The following UNC13B variants were observed in gnomAD, a reference collection of about 807,000 sequenced individuals.
UNC13B encodes protein unc-13 homolog B.
In UNC13B, 144 loss-of-function variants were observed where a neutral mutation model predicts 211.0. The ratio of observed to expected loss-of-function variants is 0.68; its 90% CI spans 0.60 to 0.78. UNC13B has a LOEUF of 0.78. Ranked by LOEUF, UNC13B falls within the 30% of genes least tolerant of loss-of-function variation. The pLI is 0.00. For missense variants in UNC13B, 1,777 were observed against 2,002.0 expected (o/e 0.89, Z 2.14); for synonymous variants, 709 against 725.8 (o/e 0.98, Z 0.37).
Position 35,376,179 on chromosome 9 carries a change from G to A in UNC13B, c.9767G>A (p.Arg3256His), listed in dbSNP as rs752569888. The change falls in exon 15 of 40, where the codon CGC becomes CAC. Residue 3256 changes from arginine to histidine, a missense_variant. By Grantham distance (29) the Arg-to-His change is conservative (BLOSUM62 0). Transcript: ENST00000635942. The stretch of plus-strand genomic sequence containing the variant: ...TGGGGCATTGCCCGGCAGGGCATGC[G>A]CTGCAGCGAATGTGGAGTCAAGTGC... ...LLWGIARQGMRCSECGVKCHE... is the reference protein window; with the variant it reads ...LLWGIARQGMHCSECGVKCHE... The A allele has an allele frequency of 2.1e-5, 34 of 1,614,068 alleles. No homozygotes were observed. Among genetic ancestry groups the A allele is most frequent in the African/African-American group, 8.0e-5 (6 of 74,946 alleles).
chr9:35,183,208 G>A (rs1323105560), intron 1 of UNC13B, among the ~76,000 whole-genome samples: 1 of 146,164 alleles, frequency 6.8e-6, no homozygotes, highest in African/African-American at 2.5e-5. Flanking sequence ...GACGATGGGC[G>A]GTCGGGCAGA....
chr9:35,201,003 A>G (rs1298133860), intron 1 of UNC13B, among the ~76,000 whole-genome samples: 7 of 152,148 alleles, frequency 4.6e-5, no homozygotes, highest in Non-Finnish European at 1.0e-4. Flanking sequence ...ATTTTGAGAT[A>G]TGTCCCATCA....
intron 1 of UNC13B, among the ~76,000 whole-genome samples, chr9:35,207,304 G>A (rs1395771787): frequency 6.6e-6 from 1 of 151,578 alleles, no homozygotes; most frequent in African/African-American, 2.4e-5. Context: ...CTGTAACTCA[G>A]GCTGGAATGC....
chr9:35,162,037 T>C lies in UNC13B; in HGVS notation c.-247T>C. 3.6e-6 allele frequency: 2 copies of C among 550,864 alleles called. No individual in the cohort carries two copies. The highest frequency in any genetic ancestry group is 2.2e-5 in the South Asian group (1 of 45,528). The allele number at this position is 550,864 out of a possible 1,614,324, so 34.1% of individuals were successfully genotyped here. ...CCCGGCAGCTCCTACCTCCCAGCGA[T>C]GGCGTCGCTGTGCCGCGCCCAGTCC... On this transcript the variant is annotated 5_prime_UTR_variant, in exon 1 of 40. The change abolishes an upstream ATG in the 5' untranslated region. Coordinates refer to ENST00000635942, the MANE Select transcript of UNC13B (RefSeq NM_001371189.2).
chr9:35,255,381 T>G (rs894920793), intron 6 of UNC13B, among the ~76,000 whole-genome samples: 6 of 151,894 alleles, frequency 4.0e-5, no homozygotes, highest in Admixed American at 3.9e-4. Context: ...GGGTTCACCT[T>G]GTGTGCTGCC....
At chr9:35,247,975 G>A (rs375488099) in intron 6 of UNC13B, among the ~76,000 whole-genome samples, 2 of 152,042 alleles carry the variant, frequency 1.3e-5, no homozygotes, top group Non-Finnish European at 1.5e-5. Flanking sequence ...CTGTGAATCT[G>A]TCTGGTCCTG....
chr9:35,201,814 A>T (rs965827742), intron 1 of UNC13B, among the ~76,000 whole-genome samples: 6 of 151,732 alleles, frequency 4.0e-5, no homozygotes, highest in Non-Finnish European at 5.9e-5. Flanking sequence ...TTTTTTTTGA[A>T]GGGTTTTTTG....
At chr9:35,366,663 A>G (rs900993597) in intron 11 of UNC13B, among the ~76,000 whole-genome samples, 2 of 152,196 alleles carry the variant, frequency 1.3e-5, no homozygotes, top group African/African-American at 2.4e-5. Flanking sequence ...AATGGCTCAT[A>G]TAAGAGTGAT....
chr9:35,206,790 C>G (rs771763327), intron 1 of UNC13B, among the ~76,000 whole-genome samples: 1 of 150,576 alleles, frequency 6.6e-6, no homozygotes, highest in Non-Finnish European at 1.5e-5. Context: ...AGGGGAATCA[C>G]TTGAACTGAG....
intron 37 of UNC13B, 21 bp downstream of exon 37, chr9:35,400,464 G>A: frequency 6.2e-7 from 1 of 1,606,758 alleles, no homozygotes; most frequent in South Asian, 1.1e-5. Flanking sequence ...GAGGGCTTTG[G>A]GTATCCACCT....
At chr9:35,178,527 A>G (rs186641612) in intron 1 of UNC13B, among the ~76,000 whole-genome samples, 160 of 151,804 alleles carry the variant, frequency 1.1e-3, no homozygotes, top group African/African-American at 3.7e-3. Flanking sequence ...AAAAACACAT[A>G]CACACACACA....
chr9:35,176,048 G>C (rs1821615687), intron 1 of UNC13B, among the ~76,000 whole-genome samples: 1 of 142,000 alleles, frequency 7.0e-6, no homozygotes, highest in East Asian at 2.1e-4. Flanking sequence ...AAAAAAAAGA[G>C]TAGTCTTAAG....
intron 1 of UNC13B, among the ~76,000 whole-genome samples, chr9:35,184,561 A>C (rs183439294): frequency 6.6e-6 from 1 of 152,114 alleles, no homozygotes; most frequent in African/African-American, 2.4e-5. Flanking sequence ...TACAAAAACC[A>C]GTCAGGCGTG....
chr9:35,174,215 T>C (rs1478110205), intron 1 of UNC13B, among the ~76,000 whole-genome samples: 1 of 152,008 alleles, frequency 6.6e-6, no homozygotes, highest in Non-Finnish European at 1.5e-5. Context: ...TGGAGTGCAG[T>C]GATTTGATCC....
At chr9:35,167,883 G>A (rs953545138) in intron 1 of UNC13B, among the ~76,000 whole-genome samples, 5 of 151,314 alleles carry the variant, frequency 3.3e-5, no homozygotes, top group African/African-American at 7.3e-5. Flanking sequence ...GATTACAGGC[G>A]TGAGCCACCA....
intron 37 of UNC13B, among the ~76,000 whole-genome samples, chr9:35,401,519 C>A (rs1358574142): frequency 6.6e-6 from 1 of 152,164 alleles, no homozygotes; most frequent in South Asian, 2.1e-4. Flanking sequence ...AAGCATTGAG[C>A]TTTAAGCTTG....
At chr9:35,351,710 G>A (rs1832732504) in intron 11 of UNC13B, 1 of 1,232,272 alleles carries the variant, frequency 8.1e-7, no homozygotes, top group Admixed American at 4.2e-5. Context: ...AGCAGCCTTA[G>A]CCATTGGTGG....
chr9:35,233,472 C>T (rs2131514799), intron 3 of UNC13B, among the ~76,000 whole-genome samples: 1 of 152,258 alleles, frequency 6.6e-6, no homozygotes, highest in Non-Finnish European at 1.5e-5. Flanking sequence ...TACTTTTCTG[C>T]TCTTCCTACT....
chr9:35,311,227 C>G (rs943914072), intron 10 of UNC13B, among the ~76,000 whole-genome samples: 1 of 152,224 alleles, frequency 6.6e-6, no homozygotes, highest in African/African-American at 2.4e-5. Context: ...CTGCCTCAGA[C>G]TCCCAAAGTG....
Sources: allele counts gnomAD v4.1 joint callset (sites outside exome capture counted in the v4.1 genomes callset), GRCh38; gene constraint gnomAD v4.1.1; transcripts MANE v1.5; gene names NCBI Gene and HGNC (gene_info 2026-07-23, HGNC 2026-07-21).